The following TENM3 variants were observed in gnomAD, a reference collection of about 807,000 sequenced individuals.
TENM3 encodes teneurin-3.
Under a neutral mutation model 255.1 loss-of-function variants are expected in TENM3, and 63 were observed. The ratio of observed to expected loss-of-function variants is 0.25; its 90% confidence interval spans 0.20 to 0.30. The LOEUF is 0.30. Among genes scored for constraint, TENM3 ranks in the 10% least tolerant of loss-of-function variants. TENM3 has a pLI of 1.00. For missense variants in TENM3, 2,929 were observed against 3,461.1 expected (o/e 0.85, Z 3.86); for synonymous variants, 1,306 against 1,322.3 (o/e 0.99, Z 0.27).
At chr4:182,756,155 G>A (rs760031978) in intron 22 of TENM3, among the ~76,000 whole-genome samples, 5 of 152,246 alleles carry the variant, frequency 3.3e-5, no homozygotes, top group Admixed American at 2.6e-4. Context: ...AACATTTACA[G>A]TGAACTTTGC....
At chr4:181,548,134 C>T in the TENM3 span, among the ~76,000 whole-genome samples, 31 of 152,104 alleles carry the variant, frequency 2.0e-4, 1 homozygote, top group South Asian at 6.2e-4. Flanking sequence ...CCAGTTAGAA[C>T]GGCGATCATT....
chr4:182,135,440 C>G, the TENM3 span, among the ~76,000 whole-genome samples: 1 of 152,108 alleles, frequency 6.6e-6, no homozygotes, highest in South Asian at 2.1e-4. Context: ...CAACTGTGGC[C>G]TAATGTACTT....
chr4:181,630,495 T>A, the TENM3 span, among the ~76,000 whole-genome samples: 2 of 152,218 alleles, frequency 1.3e-5, no homozygotes, highest in Non-Finnish European at 2.9e-5. Context: ...AATTTCCCTC[T>A]ACACACTGCT....
intron 1 of TENM3, among the ~76,000 whole-genome samples, chr4:182,311,607 G>A (rs56203838): frequency 1.4e-3 from 216 of 152,312 alleles, no homozygotes; most frequent in African/African-American, 4.7e-3. Flanking sequence ...TCTGTCATGC[G>A]AAAATGGAGT....
At chr4:181,508,485 A>G in the TENM3 span, among the ~76,000 whole-genome samples, 2,443 of 152,366 alleles carry the variant, frequency 0.016, 33 homozygotes, top group South Asian at 0.056. Context: ...AAGGTTGACC[A>G]TAGGGAGGAT....
chr4:182,234,158 A>G (rs1375099264), intron 1 of TENM3, among the ~76,000 whole-genome samples: 3 of 151,934 alleles, frequency 2.0e-5, no homozygotes, highest in Admixed American at 2.0e-4. Context: ...CACGTTAACA[A>G]CCCTTGGATT....
At chr4:181,767,238 C>T in the TENM3 span, among the ~76,000 whole-genome samples, 2 of 121,044 alleles carry the variant, frequency 1.7e-5, no homozygotes, top group East Asian at 2.3e-4. Context: ...GGCGAGAGTG[C>T]GAGACTCCGT....
At chr4:182,598,474 A>T (rs1323741244) in intron 3 of TENM3, among the ~76,000 whole-genome samples, 1 of 152,194 alleles carries the variant, frequency 6.6e-6, no homozygotes. Flanking sequence ...ACCTAAGGAA[A>T]GCAGCAGCTG....
At chr4:181,794,929 A>T in the TENM3 span, among the ~76,000 whole-genome samples, 35,370 of 152,024 alleles carry the variant, frequency 0.23, 4,520 homozygotes, top group South Asian at 0.3. Flanking sequence ...TCCCAGCTGC[A>T]TCAGTCCAGA....
At chr4:181,858,353 TG>T in the TENM3 span, among the ~76,000 whole-genome samples, 1 of 152,168 alleles carries the variant, frequency 6.6e-6, no homozygotes, top group African/African-American at 2.4e-5. Flanking sequence ...GGAAAATTTG[TG>T]GGGGGCAGAA....
chr4:181,628,964 T>A, the TENM3 span, among the ~76,000 whole-genome samples: 2 of 152,220 alleles, frequency 1.3e-5, 1 homozygote, highest in Non-Finnish European at 2.9e-5. Context: ...TTCCTACCCA[T>A]GAGCATAGAA....
chr4:182,066,833 C>A, the TENM3 span, among the ~76,000 whole-genome samples: 2 of 152,040 alleles, frequency 1.3e-5, no homozygotes, highest in Non-Finnish European at 2.9e-5. Context: ...ATGGCGTGAA[C>A]CCGGGAGGCG....
the TENM3 span, among the ~76,000 whole-genome samples, chr4:181,717,952 C>CTCTTCT: frequency 6.6e-6 from 1 of 152,170 alleles, no homozygotes; most frequent in Non-Finnish European, 1.5e-5. Context: ...AAACAGTGTT[C>CTCTTCT]TCTTCTTATA....
At chr4:182,100,640 T>TATATATACACACAC in the TENM3 span, among the ~76,000 whole-genome samples, 1 of 50,836 alleles carries the variant, frequency 2.0e-5, no homozygotes, top group Non-Finnish European at 3.8e-5. Context: ...TATATACACA[T>TATATATACACACAC]ATATATACAC....
intron 3 of TENM3, among the ~76,000 whole-genome samples, chr4:182,593,257 C>A (rs1207323109): frequency 6.6e-6 from 1 of 152,170 alleles, no homozygotes. Context: ...AAGCCACATG[C>A]TGATGAATGA....
chr4:181,900,932 T>A, the TENM3 span, among the ~76,000 whole-genome samples: 2 of 152,214 alleles, frequency 1.3e-5, no homozygotes, highest in Admixed American at 1.3e-4. Flanking sequence ...CCTGCCCACA[T>A]GTGCACACAC....
At chr4:181,634,313 GA>G in the TENM3 span, among the ~76,000 whole-genome samples, 11 of 149,596 alleles carry the variant, frequency 7.4e-5, no homozygotes, top group Admixed American at 6.7e-4. Context: ...TCAATCGTTT[GA>G]AAAAAATTCA....
At chr4:181,576,844 A>C in the TENM3 span, among the ~76,000 whole-genome samples, 5 of 101,226 alleles carry the variant, frequency 4.9e-5, no homozygotes, top group Admixed American at 2.6e-4. Flanking sequence ...ACGGAGTTCC[A>C]CTCTTATTGC....
chr4:182,004,731 C>A, the TENM3 span, among the ~76,000 whole-genome samples: 1 of 152,188 alleles, frequency 6.6e-6, no homozygotes, highest in Non-Finnish European at 1.5e-5. Flanking sequence ...GCCTCACCAG[C>A]ATCTATTATT....
Sources: gnomAD v4.1 joint callset for allele counts (sites outside exome capture counted in the v4.1 genomes callset) on GRCh38, gnomAD v4.1.1 for gene constraint, MANE v1.5 for transcripts, NCBI Gene and HGNC (gene_info 2026-07-23, HGNC 2026-07-21) for gene names.